Variants in EPHB1 observed in about 807,000 individuals in gnomAD.
EPHB1 encodes the protein EPH receptor B1, also known as ephrin type-B receptor 1.
EPHB1 carries 30 observed loss-of-function variants against 94.4 expected under a neutral mutation model. The ratio of observed to expected loss-of-function variants is 0.32; its 90% confidence interval spans 0.24 to 0.43. The LOEUF (loss-of-function observed/expected upper bound fraction) is 0.43. Among genes scored for constraint, EPHB1 ranks in the 20% least tolerant of loss-of-function variants. The probability of loss-of-function intolerance (pLI) is 1.00; values close to 1 mark genes in which losing one functional copy is unlikely to be tolerated. For synonymous variants in EPHB1, 522 were observed against 489.1 expected, an observed-to-expected ratio of 1.07 and a Z score of -0.89; for missense variants, 1,055 against 1,308.3, an observed-to-expected ratio of 0.81 and a Z score of 2.99.
chr3:134,997,421 A>G (rs949266580), intron 3 of EPHB1, among the ~76,000 whole-genome samples: 3 of 152,168 alleles, frequency 2.0e-5, no homozygotes, highest in South Asian at 4.1e-4. Context: ...ATTTTATTAC[A>G]CTATGTCTTT....
chr3:135,249,664 G>A (rs1054903994), intron 15 of EPHB1, among the ~76,000 whole-genome samples, 173 bp downstream of exon 15: 1 of 152,306 alleles, frequency 6.6e-6, no homozygotes, highest in South Asian at 2.1e-4. Flanking sequence ...GTGAGGGTGG[G>A]ATGGGGAGGT....
rs372867695 is a variant in EPHB1 at position 135,248,310 on chromosome 3, C to A, written c.2497-6C>A. 2.8e-4 allele frequency: 435 copies of A among 1,576,462 alleles called. No homozygotes were observed. The highest frequency in any genetic ancestry group is 3.7e-4 in the Non-Finnish European group (425 of 1,153,926). ...AATCACACCTGTTCCCTGTATGTCA[C>A]TGCAGGTCATCAATGCCATCGAGCA... On this transcript the variant is annotated splice_region_variant and splice_polypyrimidine_tract_variant and intron_variant, in intron 13 of 15. Transcript: ENST00000398015.
intron 9 of EPHB1, among the ~76,000 whole-genome samples, chr3:135,176,735 G>A (rs1304653290): frequency 2.0e-5 from 3 of 152,108 alleles, no homozygotes; most frequent in African/African-American, 7.2e-5. Context: ...ACTGATTGGG[G>A]CCAATATCTG....
intron 3 of EPHB1, among the ~76,000 whole-genome samples, chr3:134,962,323 G>T (rs1463153071): frequency 6.6e-6 from 1 of 152,140 alleles, no homozygotes; most frequent in African/African-American, 2.4e-5. Flanking sequence ...GGTGGTTCGG[G>T]TATGGTCTGT....
chr3:134,992,288 G>A (rs1934835134), intron 3 of EPHB1, among the ~76,000 whole-genome samples: 1 of 152,052 alleles, frequency 6.6e-6, no homozygotes, highest in African/African-American at 2.4e-5. Flanking sequence ...TGTTTTCAGG[G>A]CCCTGCTCTG....
intron 2 of EPHB1, among the ~76,000 whole-genome samples, chr3:134,932,303 T>C (rs1012463168): frequency 1.3e-5 from 2 of 152,154 alleles, no homozygotes; most frequent in Non-Finnish European, 2.9e-5. Flanking sequence ...GTGTGCGCTG[T>C]CTAGGCCACT....
At chr3:135,134,377 G>C (rs1165830884) in intron 5 of EPHB1, among the ~76,000 whole-genome samples, 1 of 152,072 alleles carries the variant, frequency 6.6e-6, no homozygotes, top group Non-Finnish European at 1.5e-5. Context: ...GGCATCTTAG[G>C]CATCTTTGAT....
intron 1 of EPHB1, among the ~76,000 whole-genome samples, chr3:134,912,064 G>A (rs897450714): frequency 6.6e-6 from 1 of 152,170 alleles, no homozygotes; most frequent in Admixed American, 6.5e-5. Flanking sequence ...ACGAGCCTGG[G>A]CCACCATCCA....
At chr3:134,917,557 T>G (rs1206051736) in intron 1 of EPHB1, among the ~76,000 whole-genome samples, 3 of 152,234 alleles carry the variant, frequency 2.0e-5, no homozygotes, top group Admixed American at 2.0e-4. Flanking sequence ...GTTACCGTAA[T>G]TAATTGCACC....
chr3:134,981,750 A>G (rs192667676), intron 3 of EPHB1, among the ~76,000 whole-genome samples: 258 of 152,342 alleles, frequency 1.7e-3, no homozygotes, highest in African/African-American at 5.7e-3. Context: ...GGTGCCAAGC[A>G]TATGGAGATA....
At chr3:135,015,188 C>T (rs1207137577) in intron 3 of EPHB1, among the ~76,000 whole-genome samples, 5 of 152,100 alleles carry the variant, frequency 3.3e-5, no homozygotes, top group Non-Finnish European at 7.4e-5. Flanking sequence ...GCCGGACTGC[C>T]GCTTTCATCT....
At chr3:135,203,737 T>C (rs1054432331) in intron 12 of EPHB1, among the ~76,000 whole-genome samples, 2 of 152,192 alleles carry the variant, frequency 1.3e-5, no homozygotes, top group South Asian at 2.1e-4. Flanking sequence ...GGTCAAAAAT[T>C]TGAAAATTTT....
At chr3:135,163,549 C>A (rs1448390577) in intron 7 of EPHB1, among the ~76,000 whole-genome samples, 1 of 152,172 alleles carries the variant, frequency 6.6e-6, no homozygotes, top group Non-Finnish European at 1.5e-5. Context: ...AGACTGTCTT[C>A]TTTTTCCTTA....
chr3:134,976,574 C>T (rs1486911245), intron 3 of EPHB1, among the ~76,000 whole-genome samples: 1 of 152,200 alleles, frequency 6.6e-6, no homozygotes, highest in African/African-American at 2.4e-5. Context: ...TCTGGTGTTG[C>T]ATCTCAGCTT....
At chr3:135,002,615 G>T (rs1935225695) in intron 3 of EPHB1, among the ~76,000 whole-genome samples, 1 of 151,880 alleles carries the variant, frequency 6.6e-6, no homozygotes, top group African/African-American at 2.4e-5. Context: ...GTAAGCTATT[G>T]ATTATTGCCA....
At chr3:135,237,044 A>C (rs1195785312) in intron 12 of EPHB1, among the ~76,000 whole-genome samples, 1 of 152,106 alleles carries the variant, frequency 6.6e-6, no homozygotes, top group Non-Finnish European at 1.5e-5. Context: ...AGTAGGGCTG[A>C]GGCTCATCAT....
At chr3:135,210,428 A>G (rs577150453) in intron 12 of EPHB1, among the ~76,000 whole-genome samples, 1 of 152,322 alleles carries the variant, frequency 6.6e-6, no homozygotes, top group Admixed American at 6.5e-5. Flanking sequence ...TCGTTGGCAT[A>G]CAAACAGAAA....
intron 3 of EPHB1, among the ~76,000 whole-genome samples, chr3:134,997,061 T>C (rs779025517): frequency 7.9e-5 from 12 of 152,212 alleles, no homozygotes; most frequent in South Asian, 2.1e-4. Context: ...TATGGCACAA[T>C]TTTTAATTTA....
chr3:134,809,962 C>T (rs565325088), intron 1 of EPHB1, among the ~76,000 whole-genome samples: 1 of 152,332 alleles, frequency 6.6e-6, no homozygotes, highest in Admixed American at 6.5e-5. Context: ...CAAGATCAGG[C>T]AGGCAATTGG....
Sources: gnomAD v4.1 joint callset for allele counts (sites outside exome capture counted in the v4.1 genomes callset) on GRCh38, gnomAD v4.1.1 for gene constraint, MANE v1.5 for transcripts, NCBI Gene and HGNC (gene_info 2026-07-23, HGNC 2026-07-21) for gene names.